The following TEX14 variants were observed in gnomAD, a reference collection of about 807,000 sequenced individuals.
TEX14 encodes inactive serine/threonine-protein kinase TEX14.
TEX14 carries 168 observed loss-of-function variants against 178.6 expected under a neutral mutation model. That is an observed-to-expected ratio of 0.94 (90% CI 0.83 to 1.07). The LOEUF is 1.07. Ranked by LOEUF, TEX14 falls within the 50% of genes least tolerant of loss-of-function variation. The pLI, the probability that TEX14 is intolerant of heterozygous loss-of-function variation, is 0.00. For missense variants in TEX14, 1,730 were observed against 1,753.6 expected, an observed-to-expected ratio of 0.99 and a Z score of 0.24; for synonymous variants, 626 against 634.1, an observed-to-expected ratio of 0.99 and a Z score of 0.19.
intron 2 of TEX14, among the ~76,000 whole-genome samples, chr17:58,647,505 C>G (rs1464870453): frequency 6.6e-6 from 1 of 151,204 alleles, no homozygotes; most frequent in Non-Finnish European, 1.5e-5. Flanking sequence ...GCACTCCAGC[C>G]TGGGCGACTG....
chr17:58,689,472 G>A (rs1248911134), intron 1 of TEX14, among the ~76,000 whole-genome samples: 1 of 152,118 alleles, frequency 6.6e-6, no homozygotes, highest in Non-Finnish European at 1.5e-5. Flanking sequence ...ACCCGCCTTG[G>A]CCTCCCAAAG....
chr17:58,683,937 T>A (rs1404351468), intron 1 of TEX14, among the ~76,000 whole-genome samples: 1 of 136,648 alleles, frequency 7.3e-6, no homozygotes, highest in Admixed American at 7.4e-5. Flanking sequence ...TGGTGGTGCA[T>A]CCCTGTCATC....
intron 2 of TEX14, among the ~76,000 whole-genome samples, chr17:58,641,526 T>C (rs996670625): frequency 1.3e-5 from 2 of 148,190 alleles, no homozygotes; most frequent in African/African-American, 5.0e-5. Flanking sequence ...TTATTTGAGA[T>C]GGAGTCTCAT....
rs548545880 is a variant in TEX14 at position 58,611,149 on chromosome 17, T to C, written c.1184+12A>G. 5.5e-5 allele frequency: 89 copies of C among 1,608,448 alleles called. 1 individual carries two copies. In the African/African-American group the frequency reaches 8.8e-4, roughly 16 times the overall value. On this transcript the variant is annotated intron_variant, in intron 10 of 31. Coordinates refer to ENST00000349033, the MANE Select transcript of TEX14 (RefSeq NM_031272.5). ...AACTTCAGGAGAAAGTCCCACTCCA[T>C]GTTATGCCCACCTTTCCAACATGTA...
intron 25 of TEX14, among the ~76,000 whole-genome samples, chr17:58,570,135 TTATA>T (rs1213231610): frequency 1.3e-5 from 2 of 149,224 alleles, no homozygotes; most frequent in Non-Finnish European, 3.0e-5. Context: ...AAACATATTA[TTATA>T]TATTTATAAA....
chr17:58,607,742 C>T (rs1044493989), intron 10 of TEX14, among the ~76,000 whole-genome samples: 21 of 152,234 alleles, frequency 1.4e-4, no homozygotes, highest in Admixed American at 6.5e-5. Context: ...CACCCTTTAG[C>T]GTCCACTGCT....
chr17:58,628,368 A>C (rs902908715), intron 3 of TEX14, among the ~76,000 whole-genome samples: 4 of 149,894 alleles, frequency 2.7e-5, no homozygotes, highest in Non-Finnish European at 5.9e-5. Flanking sequence ...CATGAGGTCA[A>C]GAGTTCGAGA....
At chr17:58,606,020 A>G (rs2045598527) in intron 10 of TEX14, among the ~76,000 whole-genome samples, 1 of 152,172 alleles carries the variant, frequency 6.6e-6, no homozygotes, top group South Asian at 2.1e-4. Flanking sequence ...CTGCTTTATC[A>G]AAGCCATCTG....
chr17:58,598,644 CTA>C (rs1176058192), intron 14 of TEX14, among the ~76,000 whole-genome samples: 1 of 152,138 alleles, frequency 6.6e-6, no homozygotes, highest in Non-Finnish European at 1.5e-5. Flanking sequence ...GAGCACCTTG[CTA>C]TGAGTCAGTT....
intron 14 of TEX14, among the ~76,000 whole-genome samples, 184 bp downstream of exon 14, chr17:58,598,692 G>A (rs1215314233): frequency 6.6e-6 from 1 of 152,108 alleles, no homozygotes; most frequent in Non-Finnish European, 1.5e-5. Flanking sequence ...TAGGTTAGGG[G>A]CAACGTCAAA....
chr17:58,593,279 T>C (rs146934368), intron 15 of TEX14, among the ~76,000 whole-genome samples: 11 of 152,314 alleles, frequency 7.2e-5, no homozygotes, highest in Admixed American at 4.6e-4. Context: ...AGAAAAACTA[T>C]CTGGGCAGTT....
chr17:58,631,812 A>T (rs2046319877), intron 2 of TEX14: 2 of 151,894 alleles, frequency 1.3e-5, no homozygotes, highest in Non-Finnish European at 2.9e-5. Flanking sequence ...CACACTATAG[A>T]AATTATCCCT....
chr17:58,617,559 G>C lies in TEX14; in HGVS notation c.615C>G (p.Ile205Met), dbSNP rs62081268. 5.0e-6 allele frequency: 8 copies of C among 1,613,680 alleles called. No individual in the cohort carries two copies. Among genetic ancestry groups the C allele is most frequent in the Non-Finnish European group, 6.8e-6 (8 of 1,179,832 alleles). ...TTACCTTCCCAAAACCAAAGCTGTA[G>C]ATATTTTGAGCAGAAATGACTCCAG... ...LKAGVISAQN[I>M]YSFGFGKFYL... is the part of the protein sequence containing the mutation. Residue 205 changes from isoleucine to methionine, a missense_variant, in exon 6 of 32, where the codon ATC becomes ATG. Physicochemically the swap from Ile to Met is conservative, Grantham distance 10 (BLOSUM62 1). Around this residue, in one of 2 missense-constraint regions of TEX14, gnomAD observed 789 missense variants for 681.2 expected, o/e 1.16. Transcript: ENST00000349033.
At chr17:58,651,353 T>C (rs2046836301) in intron 2 of TEX14, among the ~76,000 whole-genome samples, 5 of 152,228 alleles carry the variant, frequency 3.3e-5, no homozygotes, top group Admixed American at 3.3e-4. Flanking sequence ...GTTGGTTCTT[T>C]GGTTTGTTTT....
chr17:58,557,150 G>T, intron 31 of TEX14, 103 bp from the exon 32 acceptor site: 1 of 998,920 alleles, frequency 1.0e-6, no homozygotes, highest in East Asian at 2.4e-5. Flanking sequence ...TTAAATTCAA[G>T]GGAAAGGAAT....
In TEX14 at chr17:58,638,878, T is replaced by TG. The variant is rs1375093244; in HGVS notation, c.137-8325dup. Among the ~76,000 whole-genome samples, 160 of 123,380 alleles carry TG rather than the reference T, an allele frequency of 1.3e-3. 8 individuals are homozygous for TG. The highest frequency in any genetic ancestry group is 0.012 in the Middle Eastern group (3 of 248). 80.9% of individuals were successfully genotyped at this position (123,380 alleles called of 152,430 possible). A position where few individuals can be genotyped will look rare whatever the true frequency, so the allele number is the denominator to read the frequency against. On this transcript the variant is annotated intron_variant, in intron 2 of 31. Coordinates refer to ENST00000349033, the MANE Select transcript of TEX14 (RefSeq NM_031272.5). ...TCTTTTTTTTTTTTTTTTTTTTTTT[T>TG]GGGGAGACGGAGTCTTGCTCTGTTG...
At position 58,565,870 on chromosome 17, in the gene TEX14, T is replaced by C. The variant is rs762450791; in HGVS notation, c.3887-46A>G. ...AAGGAAACTTATTTCCTCCCTTGCG[T>C]GTCCTGCCGTTCTCTAGAGCAGTGG... On this transcript the variant is annotated intron_variant, in intron 26 of 31. Transcript: ENST00000349033. 1.6e-5 allele frequency: 24 copies of C among 1,475,672 alleles called. No individual in the cohort carries two copies. In the South Asian group the frequency reaches 2.8e-4, roughly 17 times the overall value. 91.4% of individuals were successfully genotyped at this position (1,475,672 alleles called of 1,614,324 possible). A position where few individuals can be genotyped will look rare whatever the true frequency, so the allele number is the denominator to read the frequency against.
At chr17:58,607,869 T>G (rs2045647055) in intron 10 of TEX14, among the ~76,000 whole-genome samples, 1 of 152,230 alleles carries the variant, frequency 6.6e-6, no homozygotes, top group Admixed American at 6.5e-5. Context: ...GGCTCATGCC[T>G]GTAATCCCAG....
At chr17:58,601,323 C>G (rs934629373) in intron 13 of TEX14, among the ~76,000 whole-genome samples, 1 of 151,990 alleles carries the variant, frequency 6.6e-6, no homozygotes, top group Non-Finnish European at 1.5e-5. Context: ...GAAATCGAGA[C>G]CATCCTGGCC....
Sources: gnomAD v4.1 joint callset for allele counts (sites outside exome capture counted in the v4.1 genomes callset) on GRCh38, gnomAD v4.1.1 for gene constraint, gnomAD v4.1.1 regional missense constraint, MANE v1.5 for transcripts, NCBI Gene and HGNC (gene_info 2026-07-23, HGNC 2026-07-21) for gene names.